The following ZCWPW2 variants were observed in gnomAD, a reference collection of about 807,000 sequenced individuals.
ZCWPW2 encodes the protein zinc finger CW-type and PWWP domain containing 2.
In ZCWPW2, 45 loss-of-function variants were observed where a neutral mutation model predicts 46.6. That is an observed-to-expected ratio of 0.96 (90% CI 0.76 to 1.24). The LOEUF (loss-of-function observed/expected upper bound fraction) is 1.24. ZCWPW2 is among the 50% of genes most tolerant of loss of function. The pLI, the probability that ZCWPW2 is intolerant of heterozygous loss-of-function variation, is 0.00. For missense variants in ZCWPW2, 429 were observed against 403.9 expected, an observed-to-expected ratio of 1.06 and a Z score of -0.53; for synonymous variants, 152 against 137.1, an observed-to-expected ratio of 1.11 and a Z score of -0.76.
At chr3:28,367,074 G>A (rs1705145624) in intron 1 of ZCWPW2, among the ~76,000 whole-genome samples, 1 of 151,894 alleles carries the variant, frequency 6.6e-6, no homozygotes, top group African/African-American at 2.4e-5. Flanking sequence ...TATCAATTTT[G>A]TTGATCTTTT....
chr3:28,492,663 T>C (rs1457860030), intron 6 of ZCWPW2, among the ~76,000 whole-genome samples: 2 of 152,136 alleles, frequency 1.3e-5, no homozygotes, highest in East Asian at 1.9e-4. Context: ...TATTACAATT[T>C]AATACATTAT....
At chr3:28,488,051 G>A (rs1336046690) in intron 5 of ZCWPW2, among the ~76,000 whole-genome samples, 1 of 152,082 alleles carries the variant, frequency 6.6e-6, no homozygotes, top group African/African-American at 2.4e-5. Flanking sequence ...CCCCCTGATG[G>A]AAGCCAGGAG....
intron 4 of ZCWPW2, among the ~76,000 whole-genome samples, chr3:28,444,596 TG>T (rs1280862442): frequency 2.0e-5 from 3 of 152,298 alleles, no homozygotes; most frequent in Middle Eastern, 3.4e-3. Context: ...AGACACCTGG[TG>T]AGGCTGTGCA....
chr3:28,412,911 G>C (rs1411051189), intron 2 of ZCWPW2, 145 bp from the exon 3 acceptor site: 61 of 566,400 alleles, frequency 1.1e-4, no homozygotes, highest in Non-Finnish European at 1.4e-4. Context: ...GAAACAACGT[G>C]TTCAACATAT....
intron 1 of ZCWPW2, among the ~76,000 whole-genome samples, chr3:28,356,358 G>C (rs536729342): frequency 3.9e-5 from 6 of 152,294 alleles, no homozygotes; most frequent in African/African-American, 1.4e-4. Flanking sequence ...GAAACAGCAG[G>C]TGCTGGAGAG....
chr3:28,409,622 A>T (rs969596090), intron 2 of ZCWPW2, among the ~76,000 whole-genome samples: 2 of 152,226 alleles, frequency 1.3e-5, no homozygotes, highest in African/African-American at 4.8e-5. Context: ...CATCTGGATT[A>T]AAGCATTCTG....
intron 6 of ZCWPW2, among the ~76,000 whole-genome samples, chr3:28,495,778 A>G (rs1699973896): frequency 1.3e-5 from 2 of 152,152 alleles, no homozygotes; most frequent in Middle Eastern, 3.4e-3. Context: ...TACCACAGAT[A>G]GTTTGAGAGA....
chr3:28,463,317 T>C (rs1698710154), intron 4 of ZCWPW2, among the ~76,000 whole-genome samples: 1 of 152,142 alleles, frequency 6.6e-6, no homozygotes, highest in South Asian at 2.1e-4. Flanking sequence ...TGGAATGTGA[T>C]GATCATGATA....
At chr3:28,485,211 C>A (rs181773343) in intron 5 of ZCWPW2, among the ~76,000 whole-genome samples, 2 of 151,830 alleles carry the variant, frequency 1.3e-5, no homozygotes, top group South Asian at 2.1e-4. Flanking sequence ...TGGATTTCCA[C>A]CTATCTCTCT....
At chr3:28,457,712 CT>C (rs1559512371) in intron 4 of ZCWPW2, among the ~76,000 whole-genome samples, 5 of 152,220 alleles carry the variant, frequency 3.3e-5, no homozygotes, top group Admixed American at 2.0e-4. Flanking sequence ...ATTACTAATA[CT>C]TCACTATCAT....
intron 6 of ZCWPW2, among the ~76,000 whole-genome samples, chr3:28,509,307 A>G (rs1322636527): frequency 2.0e-5 from 3 of 152,106 alleles, no homozygotes; most frequent in Admixed American, 6.6e-5. Flanking sequence ...TGGTTCTTGT[A>G]TGGGAATATG....
At chr3:28,460,312 G>A (rs1335567193) in intron 4 of ZCWPW2, among the ~76,000 whole-genome samples, 1 of 151,062 alleles carries the variant, frequency 6.6e-6, no homozygotes, top group Non-Finnish European at 1.5e-5. Flanking sequence ...GAAGAGTGGG[G>A]TACATAAGTT....
chr3:28,383,555 T>C (rs73046734), intron 1 of ZCWPW2, among the ~76,000 whole-genome samples: 8 of 151,958 alleles, frequency 5.3e-5, no homozygotes, highest in Non-Finnish European at 1.2e-4. Flanking sequence ...TATTAGGGTA[T>C]ATTTTTTTTT....
chr3:28,395,745 C>T (rs1250183735), intron 2 of ZCWPW2, among the ~76,000 whole-genome samples: 1 of 151,978 alleles, frequency 6.6e-6, no homozygotes, highest in Non-Finnish European at 1.5e-5. Context: ...TACCGGAGGG[C>T]TTGGAGTGAA....
intron 6 of ZCWPW2, among the ~76,000 whole-genome samples, chr3:28,504,559 T>A (rs73823981): frequency 0.029 from 4,444 of 152,320 alleles, 191 homozygotes; most frequent in African/African-American, 0.095. Context: ...TAGCATAATG[T>A]GGATACTATA....
chr3:28,413,690 T>A (rs571789565), intron 3 of ZCWPW2, among the ~76,000 whole-genome samples: 1 of 152,224 alleles, frequency 6.6e-6, no homozygotes, highest in South Asian at 2.1e-4. Flanking sequence ...GTTTTATTAT[T>A]CATTTTGAAA....
chr3:28,519,104 A>G (rs953532632), intron 8 of ZCWPW2, among the ~76,000 whole-genome samples: 1 of 152,212 alleles, frequency 6.6e-6, no homozygotes, highest in Non-Finnish European at 1.5e-5. Context: ...AGGCCTTAGC[A>G]GTAACCCTAG....
At chr3:28,426,629 T>A (rs925347575) in intron 3 of ZCWPW2, among the ~76,000 whole-genome samples, 1 of 152,188 alleles carries the variant, frequency 6.6e-6, no homozygotes, top group Non-Finnish European at 1.5e-5. Context: ...ATTTTGCATA[T>A]CAATTAATAT....
chr3:28,380,867 A>G (rs986078526), intron 1 of ZCWPW2, among the ~76,000 whole-genome samples: 2 of 144,576 alleles, frequency 1.4e-5, no homozygotes, highest in Admixed American at 1.4e-4. Flanking sequence ...TCTATTCTCT[A>G]CCTAATAATG....
Sources: gnomAD v4.1 joint callset for allele counts (sites outside exome capture counted in the v4.1 genomes callset) on GRCh38, gnomAD v4.1.1 for gene constraint, MANE v1.5 for transcripts, NCBI Gene and HGNC (gene_info 2026-07-23, HGNC 2026-07-21) for gene names.